Variants in HBS1L observed in about 807,000 individuals in gnomAD.
HBS1L encodes HBS1 like translational GTPase.
HBS1L carries 55 observed loss-of-function variants against 88.9 expected under a neutral mutation model. The observed-to-expected ratio is 0.62, with a 90% CI of 0.50 to 0.77. The LOEUF is 0.77. Among genes scored for constraint, HBS1L ranks in the 30% least tolerant of loss-of-function variants. HBS1L has a pLI of 0.00. For missense variants in HBS1L, 741 were observed against 829.3 expected (o/e 0.89, Z 1.31); for synonymous variants, 267 against 288.5 (o/e 0.93, Z 0.76).
chr6:134,986,227 AAAAC>A, intron 10 of HBS1L, 44 bp from the exon 11 acceptor site: 1 of 965,192 alleles, frequency 1.0e-6, no homozygotes, highest in Non-Finnish European at 1.6e-6. Flanking sequence ...AACATTTTTT[AAAAC>A]ATTAAAAGAT....
At chr6:134,967,038 G>A (rs1774337268) in intron 16 of HBS1L, among the ~76,000 whole-genome samples, 1 of 152,122 alleles carries the variant, frequency 6.6e-6, no homozygotes, top group Admixed American at 6.5e-5. Context: ...TTCCTTAGCA[G>A]GAGTTCAGGA....
intron 15 of HBS1L, among the ~76,000 whole-genome samples, chr6:134,976,393 A>G (rs528219391): frequency 2.3e-4 from 35 of 152,322 alleles, no homozygotes; most frequent in African/African-American, 8.4e-4. Flanking sequence ...TTGATCCAGC[A>G]GTCTCACTAC....
intron 16 of HBS1L, among the ~76,000 whole-genome samples, chr6:134,967,314 C>CT (rs1186793099): frequency 6.6e-6 from 1 of 152,068 alleles, no homozygotes; most frequent in Non-Finnish European, 1.5e-5. Context: ...GGGCAGACGA[C>CT]TAAAAGAAGG....
intron 4 of HBS1L, among the ~76,000 whole-genome samples, chr6:135,021,928 C>T (rs1301622018): frequency 6.6e-6 from 1 of 152,064 alleles, no homozygotes; most frequent in Non-Finnish European, 1.5e-5. Context: ...GAGGTAGCTC[C>T]CAGAACAGAA....
chr6:135,001,932 CTT>C (rs1421775866), intron 5 of HBS1L, among the ~76,000 whole-genome samples: 5 of 148,812 alleles, frequency 3.4e-5, no homozygotes, highest in South Asian at 4.2e-4. Flanking sequence ...AAAAATATAA[CTT>C]GGGAAAAGAG....
intron 1 of HBS1L, among the ~76,000 whole-genome samples, chr6:135,051,713 T>TG (rs1237103444): frequency 6.6e-6 from 1 of 152,222 alleles, no homozygotes; most frequent in African/African-American, 2.4e-5. Context: ...GCCAACTACC[T>TG]GGCACATATG....
chr6:135,053,640 A>C (rs1479446916), intron 1 of HBS1L, among the ~76,000 whole-genome samples: 1 of 152,248 alleles, frequency 6.6e-6, no homozygotes, highest in African/African-American at 2.4e-5. Flanking sequence ...ACAGGGTGTT[A>C]GCTGCCCTCA....
chr6:134,982,355 C>A, intron 13 of HBS1L, 103 bp downstream of exon 13: 2 of 668,216 alleles, frequency 3.0e-6, no homozygotes, highest in South Asian at 1.8e-5. Flanking sequence ...GTTACAATTT[C>A]AGTAAGAGGT....
intron 5 of HBS1L, among the ~76,000 whole-genome samples, chr6:134,998,771 T>C (rs1775362505): frequency 6.6e-6 from 1 of 152,334 alleles, no homozygotes; most frequent in East Asian, 1.9e-4. Context: ...GTCACAATAG[T>C]TATATTTGCA....
intron 4 of HBS1L, chr6:135,036,575 CTTTT>C (rs58798278): frequency 1.1e-4 from 159 of 1,491,570 alleles, no homozygotes; most frequent in Middle Eastern, 7.0e-4. Context: ...CTAGTAAATG[CTTTT>C]TTTTGATTAG....
chr6:135,002,424 ATAAGAATTC>A (rs1448623564), intron 5 of HBS1L, among the ~76,000 whole-genome samples: 1 of 152,206 alleles, frequency 6.6e-6, no homozygotes, highest in Non-Finnish European at 1.5e-5. Context: ...ACCTAGTGGT[ATAAGAATTC>A]CCTATCTCAC....
In HBS1L at chr6:134,962,187, T is replaced by C. The variant is rs1261000167; in HGVS notation, c.*3092A>G. 2 of 152,302 alleles carry C rather than the reference T, an allele frequency of 1.3e-5. No homozygotes were observed. Among genetic ancestry groups the C allele is most frequent in the African/African-American group, 2.4e-5 (1 of 41,570 alleles). The allele number at this position is 152,302 out of a possible 1,614,324, so 9.4% of individuals were successfully genotyped here. A position where few individuals can be genotyped will look rare whatever the true frequency, so the allele number is the denominator to read the frequency against. ...ACTTGTCTTGATTTTTTGAAAACTG[T>C]ATAATTTTGAATAACTTCTATATAT... On this transcript the variant is annotated 3_prime_UTR_variant, in exon 18 of 18. Coordinates refer to ENST00000367837, the MANE Select transcript of HBS1L (RefSeq NM_006620.4).
intron 16 of HBS1L, among the ~76,000 whole-genome samples, chr6:134,968,896 C>G (rs1051968794): frequency 6.6e-6 from 1 of 152,114 alleles, no homozygotes; most frequent in African/African-American, 2.4e-5. Context: ...AAATTTGGAA[C>G]CGGTGTCTAG....
At chr6:135,042,821 AAAAACAAAAAAAAAAAAC>A in intron 2 of HBS1L, among the ~76,000 whole-genome samples, 1 of 99,032 alleles carries the variant, frequency 1.0e-5, no homozygotes. Flanking sequence ...CTCAAAAAAA[AAAAACAAAAAAAAAAAAC>A]AGAAAAGAAA....
intron 4 of HBS1L, among the ~76,000 whole-genome samples, chr6:135,032,844 G>A (rs1174169739): frequency 6.6e-6 from 1 of 151,604 alleles, no homozygotes; most frequent in Non-Finnish European, 1.5e-5. Context: ...TAATACATAT[G>A]AGAAGAAAAA....
At chr6:135,009,891 A>G (rs968140624) in intron 4 of HBS1L, among the ~76,000 whole-genome samples, 7 of 151,934 alleles carry the variant, frequency 4.6e-5, no homozygotes, top group Non-Finnish European at 7.4e-5. Context: ...CGGCCTCCCA[A>G]CGTGCTGGGA....
intron 4 of HBS1L, among the ~76,000 whole-genome samples, chr6:135,032,483 A>C (rs1332047577): frequency 6.6e-6 from 1 of 152,180 alleles, no homozygotes; most frequent in Non-Finnish European, 1.5e-5. Context: ...CCACATTTAT[A>C]TATAATCTGT....
At chr6:135,040,501 G>A (rs992761376) in intron 3 of HBS1L, among the ~76,000 whole-genome samples, 1 of 151,732 alleles carries the variant, frequency 6.6e-6, no homozygotes, top group Non-Finnish European at 1.5e-5. Context: ...ATGGACGCCC[G>A]CCACCATGCC....
Position 134,969,243 on chromosome 6 carries a change from C to T in HBS1L, c.1893G>A (p.Lys631=). 6.2e-7 allele frequency: 1 copy of T among 1,605,376 alleles called. No individual in the cohort carries two copies. The highest frequency in any genetic ancestry group is 8.5e-7 in the Non-Finnish European group (1 of 1,172,504). The change falls in exon 16 of 18, where the codon AAG becomes AAA. Residue 631 remains lysine, a synonymous_variant. Transcript: ENST00000367837. ...NKSTGEVTKK[K]PKFLTKGQNA... is the part of the protein sequence containing the mutation. ...TTCTGTATTAAAACACTCACTTAGG[C>T]TTTTTCTTTGTGACTTCACCCGTGC... is the stretch of plus-strand genomic sequence containing the variant.
Sources: allele counts gnomAD v4.1 joint callset (sites outside exome capture counted in the v4.1 genomes callset), GRCh38; gene constraint gnomAD v4.1.1; transcripts MANE v1.5; gene names NCBI Gene and HGNC (gene_info 2026-07-23, HGNC 2026-07-21).